Variants in KCNH5 observed in about 807,000 individuals in gnomAD.
KCNH5 encodes potassium voltage-gated channel subfamily H member 5, also known as voltage-gated delayed rectifier potassium channel KCNH5.
A neutral mutation model predicts 96.1 loss-of-function variants in KCNH5; 46 were observed. The observed-to-expected ratio is 0.48, with a 90% CI of 0.38 to 0.61. The LOEUF is 0.61. Ranked by LOEUF, KCNH5 falls within the 20% of genes least tolerant of loss-of-function variation. KCNH5 has a pLI of 0.00. For missense variants in KCNH5, 907 were observed against 1,225.8 expected (o/e 0.74, Z 3.88); for synonymous variants, 439 against 449.8 (o/e 0.98, Z 0.30).
intron 5 of KCNH5, among the ~76,000 whole-genome samples, chr14:62,984,834 GTTTC>G (rs1890674325): frequency 6.6e-6 from 1 of 152,118 alleles, no homozygotes; most frequent in Non-Finnish European, 1.5e-5. Flanking sequence ...CAAGGGGAAA[GTTTC>G]TTTCTTTTCC....
At chr14:62,996,672 C>T (rs1342412145) in intron 4 of KCNH5, among the ~76,000 whole-genome samples, 1 of 152,212 alleles carries the variant, frequency 6.6e-6, no homozygotes, top group African/African-American at 2.4e-5. Flanking sequence ...AACATCAGCA[C>T]CCTTTCCCCA....
intron 10 of KCNH5, among the ~76,000 whole-genome samples, chr14:62,738,297 A>G (rs1885200861): frequency 1.3e-5 from 2 of 152,110 alleles, no homozygotes; most frequent in African/African-American, 2.4e-5. Flanking sequence ...AACATACAAA[A>G]TGTTTTTTTT....
intron 8 of KCNH5, among the ~76,000 whole-genome samples, chr14:62,834,544 A>G (rs1268283183): frequency 6.6e-6 from 1 of 151,934 alleles, no homozygotes; most frequent in Non-Finnish European, 1.5e-5. Flanking sequence ...AAGAAAACCA[A>G]GGCAGGCAAG....
chr14:62,973,853 A>C (rs1490702741), intron 6 of KCNH5, among the ~76,000 whole-genome samples: 2 of 152,318 alleles, frequency 1.3e-5, no homozygotes, highest in South Asian at 2.1e-4. Context: ...CTAACATGTT[A>C]TTCTTTGTAG....
chr14:62,829,688 C>T (rs1378109768), intron 8 of KCNH5, among the ~76,000 whole-genome samples: 5 of 152,158 alleles, frequency 3.3e-5, no homozygotes, highest in African/African-American at 9.7e-5. Context: ...CCTAGGCCTT[C>T]GGGTCTGTCA....
rs1258591130 is a variant in KCNH5 at position 62,883,714 on chromosome 14, C to T, written c.1370-33862G>A. 3.9e-5 allele frequency among the ~76,000 whole-genome samples: 6 copies of T among 152,028 alleles called. No homozygotes were observed. In the East Asian group the frequency reaches 7.7e-4, roughly 20 times the overall value. On this transcript the variant is annotated intron_variant, in intron 7 of 10. Coordinates refer to ENST00000322893, the MANE Select transcript of KCNH5 (RefSeq NM_139318.5). ...GGTGGAGGGAGACTTTTACTTTTCA[C>T]GTTACACACTGTTGTCCTTTTTTCC...
At chr14:62,951,482 T>G (rs1267481942) in intron 6 of KCNH5, among the ~76,000 whole-genome samples, 1 of 152,180 alleles carries the variant, frequency 6.6e-6, no homozygotes, top group African/African-American at 2.4e-5. Flanking sequence ...AGTCATTACC[T>G]GCAAATCCAT....
chr14:62,862,206 T>A (rs189942310), intron 7 of KCNH5, among the ~76,000 whole-genome samples: 1 of 152,222 alleles, frequency 6.6e-6, no homozygotes, highest in Admixed American at 6.5e-5. Context: ...AGCATTAGGA[T>A]AATACTTAAA....
chr14:62,732,854 T>C (rs571506406), intron 10 of KCNH5, among the ~76,000 whole-genome samples: 1 of 152,270 alleles, frequency 6.6e-6, no homozygotes, highest in African/African-American at 2.4e-5. Flanking sequence ...GGCAACCCTC[T>C]TGATACGGTC....
intron 7 of KCNH5, among the ~76,000 whole-genome samples, chr14:62,910,208 A>T (rs1216441150): frequency 6.6e-6 from 1 of 151,990 alleles, no homozygotes; most frequent in Non-Finnish European, 1.5e-5. Context: ...TTTCATTTTT[A>T]AAAACCTTAC....
At chr14:62,778,373 G>C (rs563883223) in intron 10 of KCNH5, among the ~76,000 whole-genome samples, 6 of 152,050 alleles carry the variant, frequency 3.9e-5, no homozygotes, top group Admixed American at 3.3e-4. Context: ...GTGGACCCTC[G>C]TGGTTCAAAC....
intron 10 of KCNH5, among the ~76,000 whole-genome samples, chr14:62,758,371 T>A (rs1161537132): frequency 6.6e-6 from 1 of 152,088 alleles, no homozygotes; most frequent in Non-Finnish European, 1.5e-5. Context: ...AGAAACCCCA[T>A]AATACATATA....
intron 7 of KCNH5, among the ~76,000 whole-genome samples, chr14:62,853,282 T>C (rs2140048998): frequency 6.6e-6 from 1 of 151,900 alleles, no homozygotes; most frequent in East Asian, 1.9e-4. Context: ...TCCGTTGGCC[T>C]CTATGTCCTC....
At chr14:62,945,042 T>C (rs904700986) in intron 7 of KCNH5, among the ~76,000 whole-genome samples, 1 of 151,962 alleles carries the variant, frequency 6.6e-6, no homozygotes, top group Non-Finnish European at 1.5e-5. Flanking sequence ...TGAGGAGAAA[T>C]GGAAATTTAG....
intron 7 of KCNH5, among the ~76,000 whole-genome samples, chr14:62,903,304 C>T (rs1418777361): frequency 2.0e-5 from 3 of 152,092 alleles, no homozygotes; most frequent in African/African-American, 7.2e-5. Context: ...CAGTTCATTC[C>T]TCATCTGTAT....
At position 62,728,225 on chromosome 14, in the gene KCNH5, C is replaced by CAAA. The variant is rs5809166; in HGVS notation, c.2020-19773_2020-19771dup. Among the ~76,000 whole-genome samples the CAAA allele has an allele frequency of 6.4e-4, 93 of 144,530 alleles. 1 individual carries two copies. The East Asian group carries it at 9.4e-3, about 15-fold the overall frequency. The allele number at this position is 144,530 out of a possible 152,430, so 94.8% of individuals were successfully genotyped here. On this transcript the variant is annotated intron_variant, in intron 10 of 10. Transcript: ENST00000322893. ...GCGAAACCCTATCTCTATTAAACTA[C>CAAA]AAAAAAAAAAAAATAGCTGGGCGTG...
chr14:62,770,110 A>G (rs1206689974), intron 10 of KCNH5, among the ~76,000 whole-genome samples: 1 of 152,176 alleles, frequency 6.6e-6, no homozygotes, highest in Admixed American at 6.5e-5. Context: ...GTGGGTGAAG[A>G]AAAGAAAAAA....
At chr14:62,871,882 T>G (rs867410223) in intron 7 of KCNH5, among the ~76,000 whole-genome samples, 6 of 152,166 alleles carry the variant, frequency 3.9e-5, no homozygotes, top group African/African-American at 1.4e-4. Context: ...GTAATTTGTA[T>G]GAAAATCTCA....
chr14:63,034,987 G>A (rs1252865650), intron 1 of KCNH5, among the ~76,000 whole-genome samples: 1 of 152,068 alleles, frequency 6.6e-6, no homozygotes, highest in African/African-American at 2.4e-5. Flanking sequence ...CCTATTTGAT[G>A]CATAACATCA....
Sources: allele counts gnomAD v4.1 joint callset (sites outside exome capture counted in the v4.1 genomes callset), GRCh38; gene constraint gnomAD v4.1.1; transcripts MANE v1.5; gene names NCBI Gene and HGNC (gene_info 2026-07-23, HGNC 2026-07-21).